The following LMX1B variants were observed in gnomAD, a reference collection of about 807,000 sequenced individuals.
LMX1B encodes the protein LIM homeobox transcription factor 1-beta.
In LMX1B, 12 loss-of-function variants were observed where a neutral mutation model predicts 51.4. That is an observed-to-expected ratio of 0.23 (90% CI 0.15 to 0.38). The LOEUF is 0.38. Ranked by LOEUF, LMX1B falls within the 10% of genes least tolerant of loss-of-function variation. LMX1B has a pLI of 1.00. For synonymous variants in LMX1B, 237 were observed against 235.4 expected (o/e 1.01, Z -0.06); for missense variants, 445 against 571.1 (o/e 0.78, Z 2.25).
intron 2 of LMX1B, among the ~76,000 whole-genome samples, chr9:126,684,166 G>C (rs904376263): frequency 3.9e-5 from 6 of 152,180 alleles, no homozygotes; most frequent in Non-Finnish European, 8.8e-5. Flanking sequence ...GGTGTTTCCA[G>C]CAGTGGTTGC....
chr9:126,633,776 G>C (rs1835670239), intron 2 of LMX1B, among the ~76,000 whole-genome samples: 1 of 152,186 alleles, frequency 6.6e-6, no homozygotes, highest in Non-Finnish European at 1.5e-5. Context: ...GTTATTTCCA[G>C]AGCCTTTACC....
At chr9:126,690,165 T>C (rs1377910789) in intron 2 of LMX1B, among the ~76,000 whole-genome samples, 2 of 152,290 alleles carry the variant, frequency 1.3e-5, no homozygotes, top group East Asian at 1.9e-4. Context: ...ATGAAGGGCC[T>C]TGAGTGCCAG....
rs908985275 is a variant in LMX1B, at chr9:126,614,078, A to C, written c.-372A>C. Among the ~76,000 whole-genome samples, 12 of 42,338 alleles carry C rather than the reference A, an allele frequency of 2.8e-4. No individual in the cohort carries two copies. Among genetic ancestry groups the C allele is most frequent in the Admixed American group, 5.6e-4 (2 of 3,580 alleles). The allele number at this position is 42,338 out of a possible 152,430, so 27.8% of individuals were successfully genotyped here. A position where few individuals can be genotyped will look rare whatever the true frequency, so the allele number is the denominator to read the frequency against. ...CCGCGGCCCGCGGGGCCGCCCCTGC[A>C]CCCCCACCCCCTCCCCCGCCTGCCG... On this transcript the variant is annotated 5_prime_UTR_variant, in exon 1 of 8. Transcript: ENST00000373474.
intron 3 of LMX1B, among the ~76,000 whole-genome samples, 179 bp downstream of exon 3, chr9:126,691,247 C>G (rs141042975): frequency 6.6e-6 from 1 of 152,126 alleles, no homozygotes; most frequent in African/African-American, 2.4e-5. Context: ...GCACATGATA[C>G]GAACATGCAT....
In LMX1B at chr9:126,671,306, T is replaced by C. The variant is rs60989507; in HGVS notation, c.327-19530T>C. Among the ~76,000 whole-genome samples the C allele has an allele frequency of 0.073, 11,133 of 152,166 alleles. 1,348 individuals carry two copies. Among genetic ancestry groups the C allele is most frequent in the African/African-American group, 0.25 (10,405 of 41,486 alleles). Reference sequence around the variant, plus strand: ...AGCCCCACGTAGATGCTTTGCATTGTGAAAACCCACAAATATCAGCTAAAT... The same window carrying C: ...AGCCCCACGTAGATGCTTTGCATTGCGAAAACCCACAAATATCAGCTAAAT... On this transcript the variant is annotated intron_variant, in intron 2 of 7. Coordinates refer to ENST00000373474, the MANE Select transcript of LMX1B (RefSeq NM_001174147.2). The surrounding 1 kb of genome is among the most constrained non-coding windows in gnomAD (Gnocchi z 4.4).
intron 2 of LMX1B, among the ~76,000 whole-genome samples, chr9:126,646,742 C>T (rs1835910391): frequency 6.6e-6 from 1 of 152,222 alleles, no homozygotes; most frequent in South Asian, 2.1e-4. Context: ...CTTTGTCAAG[C>T]TCCTGCCCTG....
chr9:126,659,980 GTTGTCCTGTGT>G (rs1836200030), intron 2 of LMX1B, among the ~76,000 whole-genome samples: 1 of 128,400 alleles, frequency 7.8e-6, no homozygotes, highest in African/African-American at 3.0e-5. Flanking sequence ...GGCTTCAAAG[GTTGTCCTGTGT>G]GTGTCTACAC....
chr9:126,666,591 C>T (rs1836345489), intron 2 of LMX1B, among the ~76,000 whole-genome samples: 1 of 152,122 alleles, frequency 6.6e-6, no homozygotes, highest in African/African-American at 2.4e-5. Flanking sequence ...TAATAATAAC[C>T]TCACTGGCGC....
chr9:126,615,628 C>G lies in LMX1B; in HGVS notation c.326+59C>G. 2 of 1,495,898 alleles carry G rather than the reference C, an allele frequency of 1.3e-6. No individual in the cohort carries two copies. The highest frequency in any genetic ancestry group is 9.0e-7 in the Non-Finnish European group (1 of 1,105,870). The allele number at this position is 1,495,898 out of a possible 1,614,324, so 92.7% of individuals were successfully genotyped here. ...CCCGGCACTCGAGCCCGGTCAGCCC[C>G]CTGCCGGGCCCGGCCCGCGCCCGCT... On this transcript the variant is annotated intron_variant, in intron 2 of 7. Transcript: ENST00000373474. This position sits in a 1 kb window ranked among gnomAD's most constrained non-coding sequence, Gnocchi z 6.0.
intron 2 of LMX1B, among the ~76,000 whole-genome samples, chr9:126,689,554 G>A (rs1347857723): frequency 6.6e-6 from 1 of 152,232 alleles, no homozygotes; most frequent in African/African-American, 2.4e-5. Flanking sequence ...CCATCAAAGT[G>A]TTGTTGAGCT....
At chr9:126,630,622 T>G (rs1835615644) in intron 2 of LMX1B, among the ~76,000 whole-genome samples, 1 of 152,202 alleles carries the variant, frequency 6.6e-6, no homozygotes, top group Non-Finnish European at 1.5e-5. Context: ...GGGCGGTGCC[T>G]CTCAGAGAGA....
At chr9:126,688,966 T>G (rs887737764) in intron 2 of LMX1B, among the ~76,000 whole-genome samples, 1 of 152,236 alleles carries the variant, frequency 6.6e-6, no homozygotes, top group African/African-American at 2.4e-5. Flanking sequence ...ACCCGTGTAC[T>G]GAGTTACATG....
At chr9:126,620,988 A>C (rs564718391) in intron 2 of LMX1B, among the ~76,000 whole-genome samples, 2 of 152,336 alleles carry the variant, frequency 1.3e-5, no homozygotes, top group East Asian at 3.9e-4. Flanking sequence ...CCAGGAACTC[A>C]GAAGGCCCCT....
rs1007307916 is a variant in LMX1B, at chr9:126,625,920, C to G, written c.326+10351C>G. Among the ~76,000 whole-genome samples the G allele has an allele frequency of 6.6e-6, 1 of 152,208 alleles. No homozygotes were observed. Among genetic ancestry groups the G allele is most frequent in the African/African-American group, 2.4e-5 (1 of 41,462 alleles). ...CGCTCGCCTCGGCGCAGTGGGGAGCCGCGGGCGTCGGAGAAGCGGCCGCGC... is the reference window on the plus strand; with the variant it reads ...CGCTCGCCTCGGCGCAGTGGGGAGCGGCGGGCGTCGGAGAAGCGGCCGCGC... On this transcript the variant is annotated intron_variant, in intron 2 of 7. Coordinates refer to ENST00000373474, the MANE Select transcript of LMX1B (RefSeq NM_001174147.2). This position sits in a 1 kb window ranked among gnomAD's most constrained non-coding sequence, Gnocchi z 5.3.
intron 2 of LMX1B, among the ~76,000 whole-genome samples, chr9:126,647,329 G>A (rs1835921083): frequency 6.6e-6 from 1 of 152,180 alleles, no homozygotes; most frequent in African/African-American, 2.4e-5. Flanking sequence ...CTTAGAAGGT[G>A]GAATAACTTC....
At chr9:126,660,029 G>GGCA (rs751570816) in intron 2 of LMX1B, among the ~76,000 whole-genome samples, 6 of 86,338 alleles carry the variant, frequency 6.9e-5, no homozygotes, top group East Asian at 2.4e-4. Context: ...CTGTGTGGGG[G>GGCA]TGTCTACACT....
chr9:126,618,050 A>G lies in LMX1B; in HGVS notation c.326+2481A>G, dbSNP rs1051358475. ...GCACAATAAAAATTTTTTTATTCAC[A>G]TTTCTTTTTTTCTTTGAGAATTGCA... is the stretch of plus-strand genomic sequence containing the variant. On this transcript the variant is annotated intron_variant, in intron 2 of 7. Transcript: ENST00000373474. The surrounding 1 kb of genome is among the most constrained non-coding windows in gnomAD (Gnocchi z 4.5). 2.0e-5 allele frequency among the ~76,000 whole-genome samples: 3 copies of G among 152,150 alleles called. No individual in the cohort carries two copies. Among genetic ancestry groups the G allele is most frequent in the African/African-American group, 7.2e-5 (3 of 41,514 alleles).
At chr9:126,648,308 G>A (rs542886819) in intron 2 of LMX1B, among the ~76,000 whole-genome samples, 3 of 152,268 alleles carry the variant, frequency 2.0e-5, no homozygotes, top group South Asian at 2.1e-4. Flanking sequence ...AGGAGGCTTC[G>A]AGGCTCCCTA....
chr9:126,672,909 A>G (rs758114738), intron 2 of LMX1B, among the ~76,000 whole-genome samples: 4 of 152,238 alleles, frequency 2.6e-5, no homozygotes, highest in Non-Finnish European at 5.9e-5. Flanking sequence ...AAGTGAGGCC[A>G]GTGACGTGCC....
Sources: gnomAD v4.1 joint callset for allele counts (sites outside exome capture counted in the v4.1 genomes callset) on GRCh38, gnomAD v4.1.1 for gene constraint, Gnocchi (gnomAD v3.1) non-coding constraint, MANE v1.5 for transcripts, NCBI Gene and HGNC (gene_info 2026-07-23, HGNC 2026-07-21) for gene names.